DNAH6: variants seen among roughly 807,000 people sequenced by gnomAD.
DNAH6 encodes axonemal beta dynein heavy chain 6.
In DNAH6, 340 loss-of-function variants were observed where a neutral mutation model predicts 491.4. The observed-to-expected ratio is 0.69, with a 90% confidence interval of 0.63 to 0.76. The LOEUF (loss-of-function observed/expected upper bound fraction) is 0.76. Among genes scored for constraint, DNAH6 ranks in the 30% least tolerant of loss-of-function variants. The probability of loss-of-function intolerance (pLI) is 0.00; values close to 1 mark genes in which losing one functional copy is unlikely to be tolerated. For synonymous variants in DNAH6, 1,603 were observed against 1,686.1 expected (o/e 0.95, Z 1.21); for missense variants, 4,443 against 4,972.2 (o/e 0.89, Z 3.20).
chr2:84,547,510 G>C lies in DNAH6; in HGVS notation c.1084G>C (p.Glu362Gln). The change falls in exon 7 of 77, where the codon GAA (glutamate) becomes CAA (glutamine). Residue 362 changes from glutamate to glutamine, a missense_variant. Physicochemically the swap from Glu to Gln is conservative, Grantham distance 29 (BLOSUM62 2). This residue lies in a region of DNAH6 where 2,977 missense variants were observed against 3,296.6 expected (regional missense o/e 0.90). Transcript: ENST00000389394. The stretch of plus-strand genomic sequence containing the variant: ...TATCTAGGTGACAGAACGCCTAGGA[G>C]AATTTCGAAATGAGGCAAAATATGT... ...RLAEVTERLG[E>Q]FRNEAKYVVR... 1 of 1,551,650 alleles carries C rather than the reference G, an allele frequency of 6.4e-7. No individual in the cohort carries two copies. The highest frequency in any genetic ancestry group is 8.7e-7 in the Non-Finnish European group (1 of 1,146,940).
At chr2:84,740,978 A>T (rs1022049884) in intron 62 of DNAH6, among the ~76,000 whole-genome samples, 1 of 152,172 alleles carries the variant, frequency 6.6e-6, no homozygotes, top group Non-Finnish European at 1.5e-5. Flanking sequence ...CACCGCTGCC[A>T]GGTTACCAAA....
At chr2:84,640,046 C>T (rs757944955) in intron 31 of DNAH6, among the ~76,000 whole-genome samples, 9 of 152,176 alleles carry the variant, frequency 5.9e-5, no homozygotes, top group Non-Finnish European at 1.3e-4. Context: ...AATCACTCTC[C>T]ACTAGGGTGG....
chr2:84,502,102 A>G, the DNAH6 span, among the ~76,000 whole-genome samples: 1 of 152,026 alleles, frequency 6.6e-6, no homozygotes, highest in African/African-American at 2.4e-5. Context: ...CCAGTTCTTT[A>G]AGAAGCATCA....
intron 33 of DNAH6, among the ~76,000 whole-genome samples, chr2:84,642,517 CA>C (rs1689511482): frequency 6.6e-6 from 1 of 152,130 alleles, no homozygotes; most frequent in African/African-American, 2.4e-5. Context: ...TCCCACTTCC[CA>C]AAGACAATCA....
At chr2:84,520,157 G>T (rs1676007583) in intron 2 of DNAH6, among the ~76,000 whole-genome samples, 1 of 151,718 alleles carries the variant, frequency 6.6e-6, no homozygotes, top group South Asian at 2.1e-4. Context: ...TGGAGTTGAT[G>T]AAAAAGTTAC....
chr2:84,650,574 T>G, intron 33 of DNAH6, among the ~76,000 whole-genome samples: 1 of 152,162 alleles, frequency 6.6e-6, no homozygotes. Flanking sequence ...TTAAAACATT[T>G]TTATGATGAC....
chr2:84,710,722 C>A (rs1377912351), intron 56 of DNAH6, among the ~76,000 whole-genome samples: 1 of 152,084 alleles, frequency 6.6e-6, no homozygotes, highest in Non-Finnish European at 1.5e-5. Context: ...AACAGTAGTG[C>A]AGTCAGGATT....
At chr2:84,529,221 ATAT>A (rs1157268490) in intron 4 of DNAH6, 55 bp downstream of exon 4, 5 of 1,227,452 alleles carry the variant, frequency 4.1e-6, no homozygotes, top group African/African-American at 3.0e-5. Flanking sequence ...AAGATTTCAC[ATAT>A]TATTTATAAT....
At chr2:84,689,277 A>G (rs906437817) in intron 45 of DNAH6, among the ~76,000 whole-genome samples, 6 of 152,154 alleles carry the variant, frequency 3.9e-5, no homozygotes, top group African/African-American at 1.4e-4. Context: ...CAATCTCTCT[A>G]TAGCTCAGGA....
the DNAH6 span, among the ~76,000 whole-genome samples, chr2:84,462,425 AC>A: frequency 6.6e-6 from 1 of 152,194 alleles, no homozygotes; most frequent in Non-Finnish European, 1.5e-5. Flanking sequence ...AGCAAGCTGT[AC>A]CCCCAACCAC....
chr2:84,688,795 AT>A (rs1161359962), intron 45 of DNAH6, among the ~76,000 whole-genome samples: 1 of 152,128 alleles, frequency 6.6e-6, no homozygotes, highest in Non-Finnish European at 1.5e-5. Context: ...CCCCAGAGTC[AT>A]TTTTTTGCTA....
intron 41 of DNAH6, among the ~76,000 whole-genome samples, chr2:84,679,312 G>A (rs369371157): frequency 1.3e-5 from 2 of 152,242 alleles, no homozygotes; most frequent in South Asian, 2.1e-4. Context: ...GCCCAGACAC[G>A]ATTTGCACCG....
rs372824049 is a variant in DNAH6 at position 84,541,708 on chromosome 2, CAG to C, written c.663-2524_663-2523del. Among the ~76,000 whole-genome samples the C allele has an allele frequency of 3.3e-4, 51 of 152,242 alleles. No homozygotes were observed. In the East Asian group the frequency reaches 3.9e-3, roughly 12 times the overall value. The stretch of plus-strand genomic sequence containing the variant: ...TGGAGGAAAGCATGAGAGAAACAAT[CAG>C]GGGGAAAAAACATGGTATGTTGAAC... On this transcript the variant is annotated intron_variant, in intron 4 of 76. Coordinates refer to ENST00000389394, the MANE Select transcript of DNAH6 (RefSeq NM_001370.2).
At chr2:84,519,072 G>A (rs1675883969) in intron 2 of DNAH6, among the ~76,000 whole-genome samples, 2 of 151,960 alleles carry the variant, frequency 1.3e-5, no homozygotes, top group Admixed American at 1.3e-4. Context: ...AGAGCACATG[G>A]ACTATGGTAG....
intron 64 of DNAH6, among the ~76,000 whole-genome samples, chr2:84,766,991 C>T (rs1675133895): frequency 6.6e-6 from 1 of 152,026 alleles, no homozygotes; most frequent in South Asian, 2.1e-4. Flanking sequence ...TGGATGCCTG[C>T]CAGAAAACAT....
intron 63 of DNAH6, among the ~76,000 whole-genome samples, chr2:84,752,604 G>A (rs958270453): frequency 1.3e-5 from 2 of 151,712 alleles, no homozygotes; most frequent in Non-Finnish European, 2.9e-5. Flanking sequence ...ACCCATAGCC[G>A]TCATCCCCCA....
chr2:84,694,589 T>C (rs1695203916), intron 46 of DNAH6, 109 bp downstream of exon 46: 1 of 718,854 alleles, frequency 1.4e-6, no homozygotes, highest in South Asian at 2.0e-5. Flanking sequence ...TTGTTCCCTT[T>C]GATAACAGAT....
At position 84,814,112 on chromosome 2, in the gene DNAH6, T is replaced by TG. The variant is rs1680265024; in HGVS notation, c.12142dup (p.Asp4048GlyfsTer8). 3 of 1,551,508 alleles carry TG rather than the reference T, an allele frequency of 1.9e-6. No individual in the cohort carries two copies. Among genetic ancestry groups the TG allele is most frequent in the Non-Finnish European group, 8.7e-7 (1 of 1,146,964 alleles). On this transcript the variant is annotated frameshift_variant, in exon 75 of 77. Coordinates refer to ENST00000389394, the MANE Select transcript of DNAH6 (RefSeq NM_001370.2). LOFTEE classifies it high-confidence loss of function. Reference sequence around the variant, plus strand: ...GTGCAATTTGGACAAGAACTGCCCATGGACATGGAGGTATTGTCCACCTGG... The same window carrying TG: ...GTGCAATTTGGACAAGAACTGCCCATGGGACATGGAGGTATTGTCCACCTGG...
chr2:84,494,225 C>G, the DNAH6 span, among the ~76,000 whole-genome samples: 1 of 152,188 alleles, frequency 6.6e-6, no homozygotes, highest in African/African-American at 2.4e-5. Context: ...TCTCTGAGAG[C>G]TCAGGACACT....
Sources: gnomAD v4.1 joint callset for allele counts (sites outside exome capture counted in the v4.1 genomes callset) on GRCh38, gnomAD v4.1.1 for gene constraint, gnomAD v4.1.1 regional missense constraint, MANE v1.5 for transcripts, NCBI Gene and HGNC (gene_info 2026-07-23, HGNC 2026-07-21) for gene names.